TMEM132C: variants seen among roughly 807,000 people sequenced by gnomAD.
The protein encoded by TMEM132C is transmembrane protein 132C, also known as protein phosphatase 1, regulatory subunit 152.
A neutral mutation model predicts 61.4 loss-of-function variants in TMEM132C; 29 were observed. The ratio of observed to expected loss-of-function variants is 0.47; its 90% CI spans 0.35 to 0.64. TMEM132C has a LOEUF of 0.64. Ranked by LOEUF, TMEM132C falls within the 30% of genes least tolerant of loss-of-function variation. The pLI is 0.00. For missense variants in TMEM132C, 1,408 were observed against 1,476.9 expected (o/e 0.95, Z 0.76); for synonymous variants, 656 against 633.1 (o/e 1.04, Z -0.54).
rs139877770 is a variant in TMEM132C at position 128,685,057 on chromosome 12, T to A, written c.1450-8772T>A. On this transcript the variant is annotated intron_variant, in intron 5 of 8. Transcript: ENST00000435159. ...CGGTGGCCCCTCCAGGACAAGAAGC[T>A]CTGACAGGAGTCTTCCCACATCCTG... Among the ~76,000 whole-genome samples the A allele has an allele frequency of 2.3e-3, 346 of 152,256 alleles. 1 individual carries two copies. The highest frequency in any genetic ancestry group is 3.0e-3 in the Non-Finnish European group (203 of 68,022).
At chr12:128,583,987 G>A (rs1875446703) in intron 3 of TMEM132C, among the ~76,000 whole-genome samples, 1 of 152,240 alleles carries the variant, frequency 6.6e-6, no homozygotes, top group African/African-American at 2.4e-5. Flanking sequence ...TGCTCTTCAA[G>A]AGGCAAAAAG....
chr12:128,267,672 G>A (rs1358710166), intron 1 of TMEM132C, among the ~76,000 whole-genome samples, 185 bp downstream of exon 1: 1 of 152,170 alleles, frequency 6.6e-6, no homozygotes, highest in Non-Finnish European at 1.5e-5. Context: ...CCAGCTGGGC[G>A]CCGGGATCCG....
At chr12:128,497,788 C>G (rs557516120) in intron 2 of TMEM132C, among the ~76,000 whole-genome samples, 1 of 152,152 alleles carries the variant, frequency 6.6e-6, no homozygotes, top group Non-Finnish European at 1.5e-5. Flanking sequence ...CCTGGTGAGG[C>G]GATGTCTTAC....
chr12:128,634,677 C>T (rs1345196778), intron 4 of TMEM132C, among the ~76,000 whole-genome samples: 3 of 152,184 alleles, frequency 2.0e-5, no homozygotes, highest in Admixed American at 6.5e-5. Flanking sequence ...CAGCCTTGTG[C>T]GATCTCATCT....
chr12:128,286,751 C>T (rs1197141863), intron 1 of TMEM132C, among the ~76,000 whole-genome samples: 3 of 152,110 alleles, frequency 2.0e-5, no homozygotes, highest in Non-Finnish European at 4.4e-5. Flanking sequence ...TCCACACAGA[C>T]ATTGAAGTTC....
intron 1 of TMEM132C, among the ~76,000 whole-genome samples, chr12:128,279,192 A>T (rs1870800184): frequency 6.6e-6 from 1 of 152,114 alleles, no homozygotes; most frequent in South Asian, 2.1e-4. Flanking sequence ...CTCCAAGCAC[A>T]CTCATTATCT....
chr12:128,548,677 C>T (rs1593096146), intron 3 of TMEM132C, among the ~76,000 whole-genome samples: 3 of 152,140 alleles, frequency 2.0e-5, no homozygotes, highest in Admixed American at 2.0e-4. Flanking sequence ...AAAAAAACCA[C>T]CCAAATCTCA....
intron 1 of TMEM132C, among the ~76,000 whole-genome samples, chr12:128,304,424 G>A (rs1420058056): frequency 6.6e-6 from 1 of 151,784 alleles, no homozygotes; most frequent in Non-Finnish European, 1.5e-5. Flanking sequence ...CCTGGCCAAC[G>A]TGGTGAAACC....
intron 3 of TMEM132C, among the ~76,000 whole-genome samples, chr12:128,565,850 G>A (rs574360793): frequency 1.3e-5 from 2 of 148,762 alleles, no homozygotes; most frequent in Non-Finnish European, 3.0e-5. Flanking sequence ...ATGAAGGTCA[G>A]TAACATAATA....
rs1010011831 is a variant in TMEM132C at position 128,604,640 on chromosome 12, AGATG to A, written c.1122-11508_1122-11505del. Among the ~76,000 whole-genome samples, 36 of 152,280 alleles carry A rather than the reference AGATG, an allele frequency of 2.4e-4. 1 individual carries two copies. Among genetic ancestry groups the A allele is most frequent in the African/African-American group, 8.4e-4 (35 of 41,556 alleles). ...AAAAAATGGATGGAAGATAGATAAT[AGATG>A]GATAGACAGATGAAACAAATGGATA... On this transcript the variant is annotated intron_variant, in intron 3 of 8. Transcript: ENST00000435159.
At chr12:128,353,550 G>A (rs775532220) in intron 1 of TMEM132C, among the ~76,000 whole-genome samples, 2 of 152,188 alleles carry the variant, frequency 1.3e-5, no homozygotes, top group South Asian at 2.1e-4. Flanking sequence ...CAGAAGAGCC[G>A]TTTTATTTAT....
chr12:128,687,324 G>C (rs1259846921), intron 5 of TMEM132C, among the ~76,000 whole-genome samples: 1 of 152,082 alleles, frequency 6.6e-6, no homozygotes, highest in Non-Finnish European at 1.5e-5. Flanking sequence ...TCTTTGTTGT[G>C]GGGGACTGGC....
At chr12:128,650,075 G>A (rs142515646) in intron 4 of TMEM132C, among the ~76,000 whole-genome samples, 9 of 152,308 alleles carry the variant, frequency 5.9e-5, no homozygotes, top group South Asian at 2.1e-4. Flanking sequence ...CATTTGAGAC[G>A]AGTTGCATCT....
chr12:128,546,672 G>T (rs1049380627), intron 3 of TMEM132C, among the ~76,000 whole-genome samples: 2 of 152,180 alleles, frequency 1.3e-5, no homozygotes, highest in African/African-American at 4.8e-5. Flanking sequence ...CAGATGGTTA[G>T]ACCCCAGAAA....
Position 128,447,883 on chromosome 12 carries a change from C to T in TMEM132C, c.974+32263C>T, listed in dbSNP as rs910069514. ...CTGGGACTACAGGCGCCCGCCACCG[C>T]GCCCGGCTAATTTTTTGTATTTTTA... is the stretch of plus-strand genomic sequence containing the variant. On this transcript the variant is annotated intron_variant, in intron 2 of 8. Coordinates refer to ENST00000435159, the MANE Select transcript of TMEM132C (RefSeq NM_001136103.3). Among the ~76,000 whole-genome samples the T allele has an allele frequency of 2.9e-5, 4 of 136,902 alleles. 1 individual carries two copies. The highest frequency in any genetic ancestry group is 3.6e-3 in the Middle Eastern group (1 of 280). The allele number at this position is 136,902 out of a possible 152,430, so 89.8% of individuals were successfully genotyped here.
intron 5 of TMEM132C, among the ~76,000 whole-genome samples, chr12:128,677,961 T>C (rs1415855499): frequency 1.3e-5 from 2 of 152,232 alleles, no homozygotes; most frequent in Non-Finnish European, 2.9e-5. Context: ...AGCCTGATAG[T>C]TGCCCTGAGC....
At chr12:128,504,631 T>A (rs1246802886) in intron 2 of TMEM132C, among the ~76,000 whole-genome samples, 1 of 152,052 alleles carries the variant, frequency 6.6e-6, no homozygotes, top group Non-Finnish European at 1.5e-5. Flanking sequence ...CATGGCCTTT[T>A]CTCCATGTGA....
intron 2 of TMEM132C, among the ~76,000 whole-genome samples, chr12:128,485,760 T>A (rs755285749): frequency 6.6e-6 from 1 of 152,192 alleles, no homozygotes; most frequent in Non-Finnish European, 1.5e-5. Flanking sequence ...CGTACTAAGA[T>A]GATGCGTTAA....
chr12:128,482,800 C>T lies in TMEM132C; in HGVS notation c.975-61157C>T, dbSNP rs532570701. ...ACACCTTGAGCCAGCCACTGAGTCC[C>T]CTCTCTCCTCCCACCCATGAATCTC... On this transcript the variant is annotated intron_variant, in intron 2 of 8. Transcript: ENST00000435159. 6.6e-5 allele frequency among the ~76,000 whole-genome samples: 10 copies of T among 152,254 alleles called. No individual in the cohort carries two copies. The East Asian group carries it at 1.9e-3, about 30-fold the overall frequency.
Sources: allele counts gnomAD v4.1 joint callset (sites outside exome capture counted in the v4.1 genomes callset), GRCh38; gene constraint gnomAD v4.1.1; transcripts MANE v1.5; gene names NCBI Gene and HGNC (gene_info 2026-07-23, HGNC 2026-07-21).